Variants in DIAPH3 observed in about 807,000 individuals in gnomAD.
The protein encoded by DIAPH3 is protein diaphanous homolog 3.
DIAPH3 carries 117 observed loss-of-function variants against 144.3 expected under a neutral mutation model. That is an observed-to-expected ratio of 0.81 (90% CI 0.70 to 0.95). The LOEUF (loss-of-function observed/expected upper bound fraction) is 0.95. DIAPH3 is among the 40% of genes least tolerant of loss of function. DIAPH3 has a pLI of 0.00. For missense variants in DIAPH3, 1,421 were observed against 1,412.7 expected, an observed-to-expected ratio of 1.01 and a Z score of -0.09; for synonymous variants, 519 against 488.9, an observed-to-expected ratio of 1.06 and a Z score of -0.81.
In DIAPH3 at chr13:59,879,387, T is replaced by G. The variant is rs2044852736; in HGVS notation, c.2449A>C (p.Lys817Gln). ...LQFEEQVNNI[K>Q]PDIMAVSTAC... ...GTACTGACAGCCATGATGTCAGGTTTGATGTTGTTCACCTGCTCTTCAAAC... is the reference window on the plus strand; with the variant it reads ...GTACTGACAGCCATGATGTCAGGTTGGATGTTGTTCACCTGCTCTTCAAAC... Residue 817 changes from lysine (K) to glutamine (Q), a missense_variant, in exon 21 of 28, where the codon AAA becomes CAA. Lys to Gln is a moderately conservative substitution (Grantham distance 53). Transcript: ENST00000400324. The G allele has an allele frequency of 6.2e-7, 1 of 1,613,816 alleles. No individual in the cohort carries two copies. The highest frequency in any genetic ancestry group is 8.5e-7 in the Non-Finnish European group (1 of 1,179,890).
chr13:59,772,103 AG>A (rs1352591892), intron 27 of DIAPH3, among the ~76,000 whole-genome samples: 1 of 152,090 alleles, frequency 6.6e-6, no homozygotes, highest in Non-Finnish European at 1.5e-5. Flanking sequence ...CACATAGTTC[AG>A]TCGTAGGGTT....
At chr13:59,670,765 A>T in intron 27 of DIAPH3, among the ~76,000 whole-genome samples, 1 of 151,898 alleles carries the variant, frequency 6.6e-6, no homozygotes, top group Non-Finnish European at 1.5e-5. Flanking sequence ...TTGCATTTTT[A>T]GTAAAGACGG....
intron 4 of DIAPH3, among the ~76,000 whole-genome samples, chr13:60,066,334 C>A (rs2056965015): frequency 6.6e-6 from 1 of 152,096 alleles, no homozygotes; most frequent in Non-Finnish European, 1.5e-5. Context: ...TCACAAATTA[C>A]AGAATGTAAC....
chr13:59,983,163 T>C (rs1183949985), intron 13 of DIAPH3, among the ~76,000 whole-genome samples: 1 of 107,388 alleles, frequency 9.3e-6, no homozygotes, highest in African/African-American at 3.5e-5. Flanking sequence ...AAAAAAACTC[T>C]CAAGTTATAG....
chr13:59,672,352 GAGTTGTGGC>G (rs1409990061), intron 27 of DIAPH3, among the ~76,000 whole-genome samples: 2 of 152,218 alleles, frequency 1.3e-5, no homozygotes, highest in African/African-American at 2.4e-5. Context: ...GGTCAATGGT[GAGTTGTGGC>G]AGCCTTGACA....
rs540349954 is a variant in DIAPH3 at position 59,745,477 on chromosome 13, C to CA, written c.3319+28711dup. Among the ~76,000 whole-genome samples the CA allele has an allele frequency of 5.5e-4, 83 of 150,582 alleles. No homozygotes were observed. The South Asian group carries it at 0.011, about 19-fold the overall frequency. On this transcript the variant is annotated intron_variant, in intron 27 of 27. Coordinates refer to ENST00000400324, the MANE Select transcript of DIAPH3 (RefSeq NM_001042517.2). Reference sequence around the variant, plus strand: ...TGGGTAGAGAAAGGAAATTGACTCACAAAAAAAAATGACTAGTGTTTGTAA... The same window carrying CA: ...TGGGTAGAGAAAGGAAATTGACTCACAAAAAAAAAATGACTAGTGTTTGTAA...
At chr13:59,809,726 C>A (rs572647526) in intron 25 of DIAPH3, among the ~76,000 whole-genome samples, 57 of 152,032 alleles carry the variant, frequency 3.7e-4, no homozygotes, top group African/African-American at 1.3e-3. Context: ...CAGGAAGAAA[C>A]AAGTGCAATA....
rs2038274660 is a variant in DIAPH3, at chr13:59,774,254, A to T, written c.3260-6T>A. ...ACTGAGACTCTGCCGAACATCTGTT[A>T]AAAAAAAAAATAAAATAAACTTAAT... On this transcript the variant is annotated splice_polypyrimidine_tract_variant and splice_region_variant and intron_variant, in intron 26 of 27. Coordinates refer to ENST00000400324, the MANE Select transcript of DIAPH3 (RefSeq NM_001042517.2). 1 of 1,088,082 alleles carries T rather than the reference A, an allele frequency of 9.2e-7. No individual in the cohort carries two copies. The highest frequency in any genetic ancestry group is 1.6e-5 in the African/African-American group (1 of 61,148). The allele number at this position is 1,088,082 out of a possible 1,614,324, so 67.4% of individuals were successfully genotyped here. A position where few individuals can be genotyped will look rare whatever the true frequency, so the allele number is the denominator to read the frequency against.
intron 27 of DIAPH3, among the ~76,000 whole-genome samples, chr13:59,712,825 C>A (rs1454181307): frequency 6.6e-6 from 1 of 152,182 alleles, no homozygotes; most frequent in Non-Finnish European, 1.5e-5. Context: ...CAGAGGCAAC[C>A]TTTTTGGCAC....
intron 17 of DIAPH3, among the ~76,000 whole-genome samples, chr13:59,953,767 T>G (rs1019652323): frequency 6.6e-6 from 1 of 152,190 alleles, no homozygotes; most frequent in Non-Finnish European, 1.5e-5. Flanking sequence ...GTCCCTTTTC[T>G]TTTTAATCTT....
Position 59,833,178 on chromosome 13 carries a change from C to CAT in DIAPH3, c.2954_2955dup (p.Ala986MetfsTer5), listed in dbSNP as rs2041869872. On this transcript the variant is annotated frameshift_variant, in exon 24 of 28. Coordinates refer to ENST00000400324, the MANE Select transcript of DIAPH3 (RefSeq NM_001042517.2). LOFTEE classifies it high-confidence loss of function. ...ACAGACACCTTCTTCACATCAATGG[C>CAT]ATAGTATCCTATTATACTCTGGTAT... 3 of 1,610,706 alleles carry CAT rather than the reference C, an allele frequency of 1.9e-6. No individual in the cohort carries two copies. In the East Asian group the frequency reaches 6.7e-5, roughly 36 times the overall value.
intron 27 of DIAPH3, among the ~76,000 whole-genome samples, chr13:59,707,077 A>C (rs888387130): frequency 1.3e-5 from 2 of 152,224 alleles, no homozygotes; most frequent in African/African-American, 4.8e-5. Context: ...CTGAGAAAAC[A>C]GACTTTAACA....
chr13:60,144,307 A>G (rs1408760481), intron 1 of DIAPH3, among the ~76,000 whole-genome samples: 1 of 152,210 alleles, frequency 6.6e-6, no homozygotes, highest in Non-Finnish European at 1.5e-5. Context: ...GGTAACTCTA[A>G]TGTGCAACCT....
chr13:59,715,150 C>A (rs539527687), intron 27 of DIAPH3, among the ~76,000 whole-genome samples: 1 of 152,034 alleles, frequency 6.6e-6, no homozygotes, highest in African/African-American at 2.4e-5. Context: ...ATATTTGTTA[C>A]CATTTATGAT....
intron 27 of DIAPH3, among the ~76,000 whole-genome samples, chr13:59,756,441 G>A (rs2037265946): frequency 7.9e-6 from 1 of 126,374 alleles, no homozygotes; most frequent in Non-Finnish European, 1.6e-5. Context: ...AGGAAGGAAG[G>A]AAAGAAGGAA....
At chr13:60,108,407 G>A (rs1366800484) in intron 3 of DIAPH3, among the ~76,000 whole-genome samples, 1 of 152,092 alleles carries the variant, frequency 6.6e-6, no homozygotes, top group East Asian at 1.9e-4. Flanking sequence ...TCAGGAATTC[G>A]AGACCAGCCT....
At chr13:59,984,636 G>T (rs867671020) in intron 12 of DIAPH3, among the ~76,000 whole-genome samples, 2 of 148,054 alleles carry the variant, frequency 1.4e-5, no homozygotes, top group South Asian at 4.3e-4. Flanking sequence ...ATGATAAAGG[G>T]GATATCACCA....
chr13:60,087,615 T>C (rs2057791235), intron 4 of DIAPH3, among the ~76,000 whole-genome samples: 1 of 152,134 alleles, frequency 6.6e-6, no homozygotes, highest in Non-Finnish European at 1.5e-5. Context: ...ACTACAGTAA[T>C]ACTTAAGGAA....
chr13:59,975,960 C>A (rs1311614149), intron 14 of DIAPH3, among the ~76,000 whole-genome samples: 1 of 151,944 alleles, frequency 6.6e-6, no homozygotes, highest in Non-Finnish European at 1.5e-5. Flanking sequence ...ACAAGCCATG[C>A]ATGAGTCTCA....
Sources: allele counts gnomAD v4.1 joint callset (sites outside exome capture counted in the v4.1 genomes callset), GRCh38; gene constraint gnomAD v4.1.1; transcripts MANE v1.5; gene names NCBI Gene and HGNC (gene_info 2026-07-23, HGNC 2026-07-21).